Variants in AP3D1 observed in about 807,000 individuals in gnomAD.
The protein encoded by AP3D1 is AP-3 complex subunit delta-1.
AP3D1 carries 51 observed loss-of-function variants against 147.6 expected under a neutral mutation model. The ratio of observed to expected loss-of-function variants is 0.35; its 90% CI spans 0.28 to 0.44. The LOEUF is 0.44. Ranked by LOEUF, AP3D1 falls within the 20% of genes least tolerant of loss-of-function variation. AP3D1 has a pLI of 1.00. For synonymous variants in AP3D1, 760 were observed against 663.0 expected (o/e 1.15, Z -2.25); for missense variants, 1,421 against 1,624.2 (o/e 0.87, Z 2.15).
chr19:2,109,264 G>A, intron 29 of AP3D1, 57 bp from the exon 30 acceptor site: 1 of 1,512,272 alleles, frequency 6.6e-7, no homozygotes, highest in Non-Finnish European at 8.8e-7. Flanking sequence ...AGGCTTCCTG[G>A]CACAGAGGCC....
intron 31 of AP3D1, among the ~76,000 whole-genome samples, chr19:2,103,561 C>T (rs1306626022): frequency 6.6e-6 from 1 of 152,210 alleles, no homozygotes; most frequent in Admixed American, 6.5e-5. Context: ...GCTGCGGATC[C>T]CGTTCCAAAG....
chr19:2,132,345 T>G, intron 5 of AP3D1, 126 bp downstream of exon 5: 1 of 761,028 alleles, frequency 1.3e-6, no homozygotes, highest in Non-Finnish European at 2.2e-6. Context: ...GGTTCCCATT[T>G]CAGGCAGGCC....
Position 2,151,405 on chromosome 19 carries a change from C to A in AP3D1, c.-71G>T. On this transcript the variant is annotated 5_prime_UTR_variant, in exon 1 of 32. Transcript: ENST00000643116. The stretch of plus-strand genomic sequence containing the variant: ...GCCGTGAGGGGGCCCGGGGCCCGTG[C>A]CTGCCGCCCGCGGAGCGCCGCGCTG... 9.6e-7 allele frequency: 1 copy of A among 1,046,744 alleles called. No homozygotes were observed. The highest frequency in any genetic ancestry group is 1.7e-5 in the African/African-American group (1 of 58,632). 64.8% of individuals were successfully genotyped at this position (1,046,744 alleles called of 1,614,324 possible). A position where few individuals can be genotyped will look rare whatever the true frequency, so the allele number is the denominator to read the frequency against.
At chr19:2,122,061 C>T (rs572930648) in intron 11 of AP3D1, among the ~76,000 whole-genome samples, 182 bp from the exon 12 acceptor site, 1 of 152,294 alleles carries the variant, frequency 6.6e-6, no homozygotes, top group South Asian at 2.1e-4. Context: ...CCTAGCAGAG[C>T]CCCCTCCCTG....
chr19:2,128,191 T>G (rs990832078), intron 8 of AP3D1, among the ~76,000 whole-genome samples: 1 of 151,872 alleles, frequency 6.6e-6, no homozygotes, highest in South Asian at 2.1e-4. Flanking sequence ...AATTAAAGTG[T>G]CCCCTTCTAG....
intron 1 of AP3D1, among the ~76,000 whole-genome samples, chr19:2,139,243 T>A (rs1389856185): frequency 6.6e-6 from 1 of 152,050 alleles, no homozygotes; most frequent in African/African-American, 2.4e-5. Flanking sequence ...GATAATGTTC[T>A]GGAACTTGGC....
intron 4 of AP3D1, 35 bp downstream of exon 4, chr19:2,136,976 T>C (rs1176964008): frequency 5.2e-6 from 8 of 1,548,438 alleles, no homozygotes; most frequent in Non-Finnish European, 7.0e-6. Context: ...CAGACTGCAC[T>C]CAGCACAGAG....
At chr19:2,130,384 G>A (rs1446922897) in intron 6 of AP3D1, 24 bp downstream of exon 6, 5 of 1,613,366 alleles carry the variant, frequency 3.1e-6, no homozygotes, top group Non-Finnish European at 4.2e-6. Context: ...CCTCAACCCT[G>A]AGGCTTAACT....
intron 22 of AP3D1, among the ~76,000 whole-genome samples, chr19:2,113,634 C>T (rs1053668414): frequency 3.3e-5 from 5 of 152,224 alleles, no homozygotes; most frequent in Admixed American, 2.6e-4. Flanking sequence ...GGGGACAAAG[C>T]TGTGGGTGGG....
In AP3D1 at chr19:2,146,957, T is replaced by C. The variant is rs1599496025; in HGVS notation, c.96+4282A>G. Among the ~76,000 whole-genome samples the C allele has an allele frequency of 2.6e-5, 4 of 152,024 alleles. No individual in the cohort carries two copies. The South Asian group carries it at 8.3e-4, about 32-fold the overall frequency. On this transcript the variant is annotated intron_variant, in intron 1 of 31. Coordinates refer to ENST00000643116, the MANE Select transcript of AP3D1 (RefSeq NM_001261826.3). ...AGCACCCTGTAGTGCCCAGAATAGC[T>C]CTACCCAGAGAATGATCCAGCCCCA...
intron 1 of AP3D1, among the ~76,000 whole-genome samples, chr19:2,140,755 C>CT (rs71176516): frequency 0.28 from 30,110 of 106,834 alleles, 6,796 homozygotes; most frequent in Non-Finnish European, 0.41. Context: ...ACACAAACGT[C>CT]TTTTTTTTTT....
chr19:2,120,988 C>T lies in AP3D1; in HGVS notation c.1355G>A (p.Arg452His), dbSNP rs1486762957. The change falls in exon 14 of 32, where the codon CGC becomes CAC. Residue 452 changes from arginine (R) to histidine (H), a missense_variant. By Grantham distance (29) the Arg-to-His change is conservative (BLOSUM62 0). This residue lies in a region of AP3D1 where 310 missense variants were observed against 388.1 expected (regional missense o/e 0.80). Transcript: ENST00000643116. ...LDVAIRVKAI[R>H]KFAVSQMSAL... is the part of the protein sequence containing the mutation. ...AGACATCTGGGACACGGCGAACTTG[C>T]GGATGGCCTTCACGCGGATGGCCAC... 10 of 1,612,028 alleles carry T rather than the reference C, an allele frequency of 6.2e-6. No homozygotes were observed. The highest frequency in any genetic ancestry group is 8.5e-6 in the Non-Finnish European group (10 of 1,180,002).
At chr19:2,137,525 A>C (rs753309725) in intron 3 of AP3D1, among the ~76,000 whole-genome samples, 19 of 152,162 alleles carry the variant, frequency 1.2e-4, no homozygotes, top group Non-Finnish European at 1.6e-4. Context: ...CATGTTGGCC[A>C]GCCTGGTCTC....
intron 4 of AP3D1, among the ~76,000 whole-genome samples, chr19:2,135,149 C>T (rs1490930020): frequency 1.3e-5 from 2 of 152,002 alleles, no homozygotes; most frequent in Non-Finnish European, 1.5e-5. Context: ...TGCAGTGAGC[C>T]AAGATCACGC....
chr19:2,140,759 T>A (rs945883371), intron 1 of AP3D1, among the ~76,000 whole-genome samples: 132 of 114,892 alleles, frequency 1.1e-3, no homozygotes, highest in African/African-American at 4.9e-3. Flanking sequence ...AAACGTCTTT[T>A]TTTTTTTTTT....
At chr19:2,147,962 T>A (rs1480296631) in intron 1 of AP3D1, among the ~76,000 whole-genome samples, 1 of 150,664 alleles carries the variant, frequency 6.6e-6, no homozygotes, top group African/African-American at 2.4e-5. Context: ...GGCGGGAGGA[T>A]CACGAGGACA....
At chr19:2,111,494 C>A in intron 25 of AP3D1, 162 bp from the exon 26 acceptor site, 1 of 1,199,024 alleles carries the variant, frequency 8.3e-7, no homozygotes, top group Non-Finnish European at 1.2e-6. Flanking sequence ...CCCAGGACCA[C>A]ACAGCCCACC....
intron 1 of AP3D1, among the ~76,000 whole-genome samples, chr19:2,140,288 T>A (rs1346915440): frequency 2.0e-5 from 3 of 151,928 alleles, no homozygotes; most frequent in African/African-American, 7.3e-5. Context: ...CCATGTGGAG[T>A]TACCGCCCCA....
chr19:2,140,002 C>T (rs1320518986), intron 1 of AP3D1, among the ~76,000 whole-genome samples: 1 of 152,082 alleles, frequency 6.6e-6, no homozygotes, highest in Non-Finnish European at 1.5e-5. Flanking sequence ...ATAATATTTT[C>T]CTCCATGCTT....
Sources: gnomAD v4.1 joint callset for allele counts (sites outside exome capture counted in the v4.1 genomes callset) on GRCh38, gnomAD v4.1.1 for gene constraint, gnomAD v4.1.1 regional missense constraint, MANE v1.5 for transcripts, NCBI Gene and HGNC (gene_info 2026-07-23, HGNC 2026-07-21) for gene names.